DHRSX: variants seen among roughly 807,000 people sequenced by gnomAD.
DHRSX encodes the protein dehydrogenase/reductase X-linked.
Under a neutral mutation model 34.0 loss-of-function variants are expected in DHRSX, and 31 were observed. The observed-to-expected ratio is 0.91, with a 90% CI of 0.69 to 1.23. The LOEUF (loss-of-function observed/expected upper bound fraction) is 1.23. Among genes scored for constraint, DHRSX ranks in the 50% most tolerant of loss-of-function variants. The probability of loss-of-function intolerance (pLI) is 0.00; values close to 1 mark genes in which losing one functional copy is unlikely to be tolerated. For synonymous variants in DHRSX, 201 were observed against 183.8 expected (o/e 1.09, Z -0.76); for missense variants, 414 against 428.1 (o/e 0.97, Z 0.29).
At chrX:2,372,791 G>T in intron 3 of DHRSX, among the ~76,000 whole-genome samples, 1 of 152,012 alleles carries the variant, frequency 6.6e-6, no homozygotes, top group South Asian at 2.1e-4. Context: ...TGTATTTTTA[G>T]TAGAGAGACG....
At chrX:2,413,306 T>A (rs1005420460) in intron 2 of DHRSX, among the ~76,000 whole-genome samples, 1 of 151,800 alleles carries the variant, frequency 6.6e-6, no homozygotes, top group African/African-American at 2.4e-5. Flanking sequence ...ACAGAAGGTA[T>A]AAGTTCAAGA....
At chrX:2,250,502 G>T (rs1401550009) in intron 5 of DHRSX, among the ~76,000 whole-genome samples, 1 of 152,094 alleles carries the variant, frequency 6.6e-6, no homozygotes. Context: ...CTGGGACAGG[G>T]GTGACCAATT....
At chrX:2,376,994 TC>T (rs2043147828) in intron 3 of DHRSX, among the ~76,000 whole-genome samples, 2 of 119,750 alleles carry the variant, frequency 1.7e-5, no homozygotes, top group Non-Finnish European at 1.9e-5. Flanking sequence ...AAACTCTATC[TC>T]AAAAAAAAAA....
At chrX:2,422,590 A>G (rs1273662451) in intron 2 of DHRSX, among the ~76,000 whole-genome samples, 2 of 152,116 alleles carry the variant, frequency 1.3e-5, no homozygotes, top group South Asian at 2.1e-4. Context: ...ACGATCCTGC[A>G]TATCTCAAAC....
intron 4 of DHRSX, among the ~76,000 whole-genome samples, chrX:2,284,399 T>C (rs1465452005): frequency 8.5e-6 from 1 of 117,054 alleles, no homozygotes; most frequent in Non-Finnish European, 1.9e-5. Context: ...AGTGAATGAA[T>C]GAATTTGAAT....
At chrX:2,311,567 C>T (rs1447130797) in intron 3 of DHRSX, among the ~76,000 whole-genome samples, 11 of 152,066 alleles carry the variant, frequency 7.2e-5, no homozygotes, top group Admixed American at 3.9e-4. Flanking sequence ...GACCCACCCG[C>T]GAGGCAAAGA....
chrX:2,392,634 TTA>T (rs1324517229), intron 3 of DHRSX, among the ~76,000 whole-genome samples: 1 of 146,634 alleles, frequency 6.8e-6, no homozygotes, highest in Admixed American at 6.9e-5. Context: ...TTATTATATA[TTA>T]TGTGTTACAT....
At chrX:2,223,221 C>T (rs963863425) in intron 6 of DHRSX, among the ~76,000 whole-genome samples, 8 of 152,102 alleles carry the variant, frequency 5.3e-5, no homozygotes, top group African/African-American at 1.2e-4. Flanking sequence ...AGATCTTTCT[C>T]GTGCTGTTCT....
intron 4 of DHRSX, among the ~76,000 whole-genome samples, chrX:2,282,890 GAGGGAGA>G (rs761446576): frequency 1.1e-3 from 163 of 147,504 alleles, no homozygotes; most frequent in African/African-American, 4.2e-3. Flanking sequence ...AGGGAGGGAG[GAGGGAGA>G]AGGGAGGTCG....
In DHRSX at chrX:2,254,059, C is replaced by CAAA. The variant is rs373951884; in HGVS notation, c.597-10832_597-10830dup. Among the ~76,000 whole-genome samples, 1,050 of 149,088 alleles carry CAAA rather than the reference C, an allele frequency of 7.0e-3. 16 individuals are homozygous for CAAA. Among genetic ancestry groups the CAAA allele is most frequent in the African/African-American group, 0.025 (998 of 40,684 alleles). ...TGGGCAACAAAGCAAGACTCTGTCT[C>CAAA]AAAAAAAAACAAAAAGAAAGGAGCC... On this transcript the variant is annotated intron_variant, in intron 5 of 6. Coordinates refer to ENST00000334651, the MANE Select transcript of DHRSX (RefSeq NM_145177.3).
intron 3 of DHRSX, among the ~76,000 whole-genome samples, chrX:2,332,751 G>C (rs73630216): frequency 0.03 from 4,615 of 152,206 alleles, 243 homozygotes; most frequent in African/African-American, 0.11. Context: ...TTCTTCCAGA[G>C]AACCAAAGCA....
At chrX:2,338,914 C>T (rs970748504) in intron 3 of DHRSX, among the ~76,000 whole-genome samples, 3 of 151,960 alleles carry the variant, frequency 2.0e-5, no homozygotes, top group African/African-American at 7.2e-5. Context: ...GGGGCCAGCC[C>T]TGCAGTTCCC....
chrX:2,339,777 C>T (rs1394840840), intron 3 of DHRSX, among the ~76,000 whole-genome samples: 1 of 151,990 alleles, frequency 6.6e-6, no homozygotes, highest in Non-Finnish European at 1.5e-5. Context: ...CATTGATGGG[C>T]ATTTGGGTTG....
At chrX:2,399,128 A>AAAATTAAACC (rs113075736) in intron 3 of DHRSX, among the ~76,000 whole-genome samples, 87,437 of 151,570 alleles carry the variant, frequency 0.58, 25,937 homozygotes, top group Middle Eastern at 0.73. Flanking sequence ...TTGGAAGGTT[A>AAAATTAAACC]TTACCACCCT....
chrX:2,258,883 C>A (rs1355275948), intron 5 of DHRSX, among the ~76,000 whole-genome samples: 1 of 152,172 alleles, frequency 6.6e-6, no homozygotes, highest in African/African-American at 2.4e-5. Context: ...AGGTGAATGC[C>A]TGTCATCAAT....
chrX:2,344,913 ATACT>A (rs2042684963), intron 3 of DHRSX, among the ~76,000 whole-genome samples: 1 of 106,892 alleles, frequency 9.4e-6, no homozygotes, highest in Non-Finnish European at 2.0e-5. Context: ...ATATATATAT[ATACT>A]GTATTTATTT....
At chrX:2,381,365 G>T (rs1313395434) in intron 3 of DHRSX, among the ~76,000 whole-genome samples, 1 of 152,122 alleles carries the variant, frequency 6.6e-6, no homozygotes, top group Non-Finnish European at 1.5e-5. Flanking sequence ...CAGGAAGCAG[G>T]TCCTCACCAG....
At chrX:2,499,309 A>G (rs372968059) in intron 1 of DHRSX, among the ~76,000 whole-genome samples, 3 of 152,196 alleles carry the variant, frequency 2.0e-5, no homozygotes, top group Admixed American at 6.5e-5. Context: ...CTGGACATTT[A>G]AGACATTCAG....
intron 3 of DHRSX, chrX:2,334,995 C>T (rs1380132834): frequency 2.6e-5 from 4 of 151,882 alleles, no homozygotes; most frequent in Admixed American, 1.3e-4. Context: ...GTCTGGCCAA[C>T]ATGGTGAAAC....
Sources: allele counts gnomAD v4.1 joint callset (sites outside exome capture counted in the v4.1 genomes callset), GRCh38; gene constraint gnomAD v4.1.1; transcripts MANE v1.5; gene names NCBI Gene and HGNC (gene_info 2026-07-23, HGNC 2026-07-21).